DLGAP1: variants seen among roughly 807,000 people sequenced by gnomAD.
DLGAP1 encodes the protein DLG associated protein 1.
A neutral mutation model predicts 90.8 loss-of-function variants in DLGAP1; 11 were observed. That is an observed-to-expected ratio of 0.12 (90% CI 0.08 to 0.20). DLGAP1 has a LOEUF of 0.20. DLGAP1 is among the 10% of genes least tolerant of loss of function. The pLI is 1.00. For missense variants in DLGAP1, 1,050 were observed against 1,333.8 expected (o/e 0.79, Z 3.31); for synonymous variants, 558 against 540.7 (o/e 1.03, Z -0.44).
intron 7 of DLGAP1, among the ~76,000 whole-genome samples, chr18:3,586,683 G>C (rs140952832): frequency 8.5e-5 from 13 of 152,214 alleles, no homozygotes; most frequent in East Asian, 5.8e-4. Context: ...CTTCCCCATA[G>C]TTCCCCTTCT....
At chr18:4,352,830 T>C (rs1025217510) in intron 1 of DLGAP1, among the ~76,000 whole-genome samples, 1 of 152,124 alleles carries the variant, frequency 6.6e-6, no homozygotes, top group Non-Finnish European at 1.5e-5. Context: ...TACCAATGAT[T>C]TTCTGTATGT....
intron 2 of DLGAP1, chr18:4,014,080 C>T (rs2074477761): frequency 7.0e-6 from 1 of 142,276 alleles, no homozygotes; most frequent in South Asian, 2.3e-4. Context: ...AGATACTTAG[C>T]CCACTTTTTT....
At chr18:4,158,009 A>G (rs2076785181) in intron 1 of DLGAP1, among the ~76,000 whole-genome samples, 1 of 152,154 alleles carries the variant, frequency 6.6e-6, no homozygotes, top group African/African-American at 2.4e-5. Flanking sequence ...ATACAAAGAG[A>G]GAGAAAGAAA....
At chr18:4,265,130 CCTTT>C (rs1389909203) in intron 1 of DLGAP1, among the ~76,000 whole-genome samples, 1 of 143,036 alleles carries the variant, frequency 7.0e-6, no homozygotes, top group Non-Finnish European at 1.5e-5. Flanking sequence ...TTCCTTCCTT[CCTTT>C]CCTCCCTCCC....
At chr18:3,887,274 T>C (rs958685189) in intron 3 of DLGAP1, among the ~76,000 whole-genome samples, 6 of 152,284 alleles carry the variant, frequency 3.9e-5, no homozygotes, top group African/African-American at 1.2e-4. Flanking sequence ...TGTTCCTAAG[T>C]GAGACAGGTA....
At chr18:3,532,413 C>T (rs905542984) in intron 10 of DLGAP1, among the ~76,000 whole-genome samples, 1 of 151,930 alleles carries the variant, frequency 6.6e-6, no homozygotes, top group African/African-American at 2.4e-5. Context: ...AACCCCGTCT[C>T]TACTAAAAAT....
chr18:3,643,996 C>T (rs1261644517), intron 7 of DLGAP1, among the ~76,000 whole-genome samples: 2 of 152,206 alleles, frequency 1.3e-5, no homozygotes, highest in African/African-American at 4.8e-5. Flanking sequence ...GAAACACACA[C>T]AAAAACTGTA....
intron 1 of DLGAP1, among the ~76,000 whole-genome samples, chr18:4,373,227 T>A (rs1486712504): frequency 1.3e-5 from 2 of 151,952 alleles, no homozygotes; most frequent in Admixed American, 1.3e-4. Flanking sequence ...ATAAAACAGC[T>A]ACAGTAATAA....
chr18:4,125,052 G>T (rs2076211683), intron 2 of DLGAP1, among the ~76,000 whole-genome samples: 4 of 152,196 alleles, frequency 2.6e-5, no homozygotes, highest in African/African-American at 7.2e-5. Flanking sequence ...CAGTGATAGA[G>T]TTGGATGAAG....
rs1213050275 is a variant in DLGAP1, at chr18:3,534,578, C to T, written c.2095G>A (p.Ala699Thr). ...RFTRSNSVTT[A>T]VQADLDFHDN... Reference sequence around the variant, plus strand: ...TGGAAGTCCAGGTCGGCCTGTACTGCTGTCGTCACACTGTTGGATCGAGTG... The same window carrying T: ...TGGAAGTCCAGGTCGGCCTGTACTGTTGTCGTCACACTGTTGGATCGAGTG... Residue 699 changes from alanine to threonine, a missense_variant, in exon 10 of 13, where the codon GCA becomes ACA. Ala to Thr is a moderately conservative substitution (Grantham distance 58, BLOSUM62 0). Transcript: ENST00000315677. 2 of 1,607,590 alleles carry T rather than the reference C, an allele frequency of 1.2e-6. No homozygotes were observed. The highest frequency in any genetic ancestry group is 2.7e-5 in the African/African-American group (2 of 74,784).
At chr18:4,092,868 T>G (rs540177423) in intron 2 of DLGAP1, among the ~76,000 whole-genome samples, 1 of 152,280 alleles carries the variant, frequency 6.6e-6, no homozygotes, top group East Asian at 1.9e-4. Flanking sequence ...TCTGGGGTTC[T>G]GCACCCACAC....
At chr18:3,657,252 A>G (rs952164164) in intron 7 of DLGAP1, among the ~76,000 whole-genome samples, 1 of 152,196 alleles carries the variant, frequency 6.6e-6, no homozygotes, top group Non-Finnish European at 1.5e-5. Context: ...AAACTGGAGG[A>G]GTTTGCAAAC....
chr18:3,947,555 G>A (rs1248763406), intron 3 of DLGAP1, among the ~76,000 whole-genome samples: 1 of 152,188 alleles, frequency 6.6e-6, no homozygotes, highest in Non-Finnish European at 1.5e-5. Context: ...TCTAAACTAA[G>A]ATACACATAC....
intron 9 of DLGAP1, among the ~76,000 whole-genome samples, chr18:3,545,983 T>C (rs2052989858): frequency 6.6e-6 from 1 of 152,152 alleles, no homozygotes. Context: ...ATAGAACTAC[T>C]AGAAGAAATA....
chr18:3,902,638 C>T (rs1377542848), intron 3 of DLGAP1, among the ~76,000 whole-genome samples: 6 of 152,128 alleles, frequency 3.9e-5, no homozygotes, highest in Non-Finnish European at 7.3e-5. Flanking sequence ...CGGCCCCCAC[C>T]GTGCATTAGC....
chr18:3,575,321 T>C (rs930816741), intron 8 of DLGAP1, among the ~76,000 whole-genome samples: 10 of 152,210 alleles, frequency 6.6e-5, no homozygotes, highest in Admixed American at 6.5e-4. Context: ...TTTTCTTTTA[T>C]TTTTAATTCA....
intron 1 of DLGAP1, among the ~76,000 whole-genome samples, chr18:4,317,086 A>G (rs1207393423): frequency 6.6e-6 from 1 of 152,178 alleles, no homozygotes; most frequent in East Asian, 1.9e-4. Context: ...TTTTGAAATC[A>G]GGTCAGGTTT....
chr18:3,752,214 A>G (rs1476510206), intron 5 of DLGAP1, among the ~76,000 whole-genome samples: 1 of 152,218 alleles, frequency 6.6e-6, no homozygotes, highest in Non-Finnish European at 1.5e-5. Context: ...TAATTTATAC[A>G]CAGTACCATA....
At chr18:3,875,400 T>C (rs1298973434) in intron 4 of DLGAP1, among the ~76,000 whole-genome samples, 1 of 152,226 alleles carries the variant, frequency 6.6e-6, no homozygotes, top group Non-Finnish European at 1.5e-5. Context: ...AATAATACTC[T>C]ACAAAGTTGT....
Sources: allele counts gnomAD v4.1 joint callset (sites outside exome capture counted in the v4.1 genomes callset), GRCh38; gene constraint gnomAD v4.1.1; transcripts MANE v1.5; gene names NCBI Gene and HGNC (gene_info 2026-07-23, HGNC 2026-07-21).